Variants in AHNAK observed in about 807,000 individuals in gnomAD.
AHNAK encodes the protein AHNAK nucleoprotein, also known as neuroblast differentiation-associated protein AHNAK.
A neutral mutation model predicts 37.8 loss-of-function variants in AHNAK; 23 were observed. The ratio of observed to expected loss-of-function variants is 0.61; its 90% CI spans 0.44 to 0.86. The LOEUF (loss-of-function observed/expected upper bound fraction) is 0.86. Ranked by LOEUF, AHNAK falls within the 40% of genes least tolerant of loss-of-function variation. The probability of loss-of-function intolerance (pLI) is 0.00; values close to 1 mark genes in which losing one functional copy is unlikely to be tolerated. For missense variants in AHNAK, 7,411 were observed against 7,319.4 expected, an observed-to-expected ratio of 1.01 and a Z score of -0.46; for synonymous variants, 2,481 against 2,636.3, an observed-to-expected ratio of 0.94 and a Z score of 1.80.
intron 5 of AHNAK, chr11:62,491,665 C>T (rs1939505976): frequency 6.9e-7 from 1 of 1,441,830 alleles, no homozygotes; most frequent in African/African-American, 1.4e-5. Context: ...GCATGCCCAT[C>T]TGTGATAAAG....
exon 6 of AHNAK, chr11:62,433,696 C>A (rs1565192271): frequency 2.9e-6 from 2 of 686,502 alleles, no homozygotes; most frequent in Non-Finnish European, 4.9e-6. Context: ...CAGCAGCCCT[C>A]GGTCTGGCCT....
At chr11:62,457,447 C>CA (rs1333104725) in intron 5 of AHNAK, among the ~76,000 whole-genome samples, 599 of 126,902 alleles carry the variant, frequency 4.7e-3, no homozygotes, top group African/African-American at 0.015. Context: ...GACTCCTTTT[C>CA]AAAAAAAAAA....
chr11:62,474,587 G>A (rs1416646874), intron 5 of AHNAK, among the ~76,000 whole-genome samples: 1 of 152,214 alleles, frequency 6.6e-6, no homozygotes, highest in African/African-American at 2.4e-5. Context: ...CGGCCAAGTT[G>A]CCAAAACTCT....
rs1555017535 is a variant in AHNAK at position 62,438,181 on chromosome 11, C to CTCT, written c.443-4291_443-4290insAGA. On this transcript the variant is annotated intron_variant, in intron 5 of 5. Transcript: ENST00000257247. ...CCTGGTCAAGTCTTTTTCTTTCTCT[C>CTCT]TTTTTTTTTTTTTTTTTCCTGAGAC... 3.3e-4 allele frequency among the ~76,000 whole-genome samples: 42 copies of CTCT among 126,324 alleles called. 1 individual carries two copies. Among genetic ancestry groups the CTCT allele is most frequent in the African/African-American group, 1.2e-3 (42 of 34,620 alleles). 82.9% of individuals were successfully genotyped at this position (126,324 alleles called of 152,430 possible).
intron 5 of AHNAK, among the ~76,000 whole-genome samples, chr11:62,465,074 T>G (rs1938878136): frequency 6.6e-6 from 1 of 152,148 alleles, no homozygotes; most frequent in African/African-American, 2.4e-5. Flanking sequence ...CTCTTCCTTT[T>G]CCTTTTCCTA....
intron 5 of AHNAK, among the ~76,000 whole-genome samples, chr11:62,441,975 A>G (rs192010008): frequency 8.8e-4 from 134 of 152,218 alleles, no homozygotes; most frequent in African/African-American, 3.1e-3. Flanking sequence ...GTGGGGTCAC[A>G]AGTCGGCGCA....
rs558747998 is a variant in AHNAK, at chr11:62,531,941, G to A, written c.2476C>T (p.His826Tyr). The A allele has an allele frequency of 6.2e-7, 1 of 1,613,750 alleles. No homozygotes were observed. Among genetic ancestry groups the A allele is most frequent in the Admixed American group, 1.7e-5 (1 of 59,964 alleles). Residue 826 changes from histidine (H) to tyrosine (Y), a missense_variant, in exon 5 of 5, where the codon CAT becomes TAT. Coordinates refer to ENST00000378024, the MANE Select transcript of AHNAK (RefSeq NM_001620.3). ...CCCTTTACGTTAGGGCCTTTCAGAT[G>A]TAAGTCCACATCAGGCATGGAGATC... ...PKISMPDVDL[H>Y]LKGPNVKGEY...
chr11:62,527,483 T>C lies in AHNAK; in HGVS notation c.6934A>G (p.Ile2312Val). The change falls in exon 5 of 5, where the codon ATC becomes GTC. Residue 2312 changes from isoleucine (I) to valine (V), a missense_variant. Coordinates refer to ENST00000378024, the MANE Select transcript of AHNAK (RefSeq NM_001620.3). Reference protein sequence around the residue: ...MPEMHFKTPKISMPDVDFNLK... With the variant: ...MPEMHFKTPKVSMPDVDFNLK... Reference sequence around the variant, plus strand: ...TTGAAATCAACATCAGGCATGGAGATCTTGGGGGTCTTGAAGTGCATCTCA... The same window carrying C: ...TTGAAATCAACATCAGGCATGGAGACCTTGGGGGTCTTGAAGTGCATCTCA... 1.2e-6 allele frequency: 2 copies of C among 1,614,144 alleles called. No homozygotes were observed. Among genetic ancestry groups the C allele is most frequent in the Non-Finnish European group, 1.7e-6 (2 of 1,180,020 alleles).
At chr11:62,457,873 T>C (rs1172082778) in intron 5 of AHNAK, among the ~76,000 whole-genome samples, 3 of 151,340 alleles carry the variant, frequency 2.0e-5, no homozygotes, top group African/African-American at 7.3e-5. Flanking sequence ...GTGACAATCC[T>C]ACGCATGTAC....
chr11:62,448,875 CT>C (rs1246128022), intron 5 of AHNAK, among the ~76,000 whole-genome samples: 6 of 152,174 alleles, frequency 3.9e-5, no homozygotes, highest in African/African-American at 1.4e-4. Context: ...AGAGACCATC[CT>C]GGCTAACACA....
chr11:62,486,792 C>A (rs1234635407), intron 5 of AHNAK, among the ~76,000 whole-genome samples: 2 of 151,174 alleles, frequency 1.3e-5, no homozygotes, highest in African/African-American at 4.9e-5. Flanking sequence ...GGAGAACTCA[C>A]AGATTGGCCC....
At chr11:62,469,355 C>G (rs970369908) in intron 5 of AHNAK, among the ~76,000 whole-genome samples, 1 of 152,144 alleles carries the variant, frequency 6.6e-6, no homozygotes, top group Non-Finnish European at 1.5e-5. Flanking sequence ...TTCCTGTCCT[C>G]AAGTGATCCA....
Position 62,527,102 on chromosome 11 carries a change from G to C in AHNAK, c.7315C>G (p.Pro2439Ala). Residue 2439 changes from proline to alanine, a missense_variant, in exon 5 of 5, where the codon CCT becomes GCT. Transcript: ENST00000378024. ...IEGPEGKLKG[P>A]KFKMPDMHFK... ...TGCATATCAGGCATCTTGAACTTAG[G>C]GCCTTTCAATTTGCCCTCTGGTCCC... 1 of 1,614,080 alleles carries C rather than the reference G, an allele frequency of 6.2e-7. No individual in the cohort carries two copies. The highest frequency in any genetic ancestry group is 8.5e-7 in the Non-Finnish European group (1 of 1,180,022).
chr11:62,534,981 G>A (rs751228983), intron 4 of AHNAK, 22 bp downstream of exon 4: 66 of 1,592,420 alleles, frequency 4.1e-5, no homozygotes, highest in Non-Finnish European at 5.3e-5. Context: ...TCAGGGCACA[G>A]ATGGGCCGGC....
At chr11:62,456,354 A>G (rs1368567923) in intron 5 of AHNAK, among the ~76,000 whole-genome samples, 1 of 152,238 alleles carries the variant, frequency 6.6e-6, no homozygotes, top group East Asian at 1.9e-4. Context: ...ACCTTAGTAC[A>G]GGTCAAGCAC....
intron 5 of AHNAK, among the ~76,000 whole-genome samples, chr11:62,442,894 A>T (rs1481184629): frequency 6.6e-6 from 1 of 151,962 alleles, no homozygotes; most frequent in Non-Finnish European, 1.5e-5. Flanking sequence ...AATATTAAAC[A>T]AATTGTAGTG....
chr11:62,463,123 C>CA lies in AHNAK; in HGVS notation c.442+28608dup, dbSNP rs142849834. Among the ~76,000 whole-genome samples the CA allele has an allele frequency of 2.7e-4, 21 of 77,824 alleles. No homozygotes were observed. The South Asian group carries it at 3.3e-3, about 12-fold the overall frequency. 51.1% of individuals were successfully genotyped at this position (77,824 alleles called of 152,430 possible). A position where few individuals can be genotyped will look rare whatever the true frequency, so the allele number is the denominator to read the frequency against. ...TGGGCGACAGAGCCAGACTCAGTCT[C>CA]AAAAAAAAAAAAAAAAAAAAAAGAG... On this transcript the variant is annotated intron_variant, in intron 5 of 5. Coordinates refer to the AHNAK transcript ENST00000257247.
chr11:62,491,605 T>G, intron 5 of AHNAK: 1 of 817,410 alleles, frequency 1.2e-6, no homozygotes, highest in South Asian at 1.8e-5. Context: ...GCTGGGCTCC[T>G]GGGGTCCTGA....
Position 62,531,779 on chromosome 11 carries a change from T to A in AHNAK, c.2638A>T (p.Met880Leu), listed in dbSNP as rs145934130. The A allele has an allele frequency of 6.4e-5, 104 of 1,613,484 alleles. No individual in the cohort carries two copies. In the African/African-American group the frequency reaches 1.4e-3, roughly 21 times the overall value. Residue 880 changes from methionine (M) to leucine (L), a missense_variant, in exon 5 of 5, where the codon ATG becomes TTG. Transcript: ENST00000378024. ...GPDWHLKMPKMKMPKFSMPGF... is the reference protein window; with the variant it reads ...GPDWHLKMPKLKMPKFSMPGF... ...GGCATGCTGAACTTGGGCATTTTCATCTTGGGCATCTTCAGGTGCCAGTCT... is the reference window on the plus strand; with the variant it reads ...GGCATGCTGAACTTGGGCATTTTCAACTTGGGCATCTTCAGGTGCCAGTCT...
Sources: gnomAD v4.1 joint callset for allele counts (sites outside exome capture counted in the v4.1 genomes callset) on GRCh38, gnomAD v4.1.1 for gene constraint, MANE v1.5 for transcripts, NCBI Gene and HGNC (gene_info 2026-07-23, HGNC 2026-07-21) for gene names.